The following GAB2 variants were observed in gnomAD, a reference collection of about 807,000 sequenced individuals.
The protein encoded by GAB2 is GRB2-associated-binding protein 2.
Under a neutral mutation model 65.5 loss-of-function variants are expected in GAB2, and 26 were observed. That is an observed-to-expected ratio of 0.40 (90% CI 0.29 to 0.55). The LOEUF (loss-of-function observed/expected upper bound fraction) is 0.55, where lower values mean the gene tolerates loss of function less well. Ranked by LOEUF, GAB2 falls within the 20% of genes least tolerant of loss-of-function variation. GAB2 has a pLI of 0.53. For synonymous variants in GAB2, 321 were observed against 329.6 expected (o/e 0.97, Z 0.28); for missense variants, 884 against 875.8 (o/e 1.01, Z -0.12).
intron 6 of GAB2, among the ~76,000 whole-genome samples, chr11:78,222,763 AG>A (rs1365105089): frequency 1.3e-5 from 2 of 151,966 alleles, no homozygotes; most frequent in African/African-American, 2.4e-5. Flanking sequence ...TTATATTTTT[AG>A]TAGAGACGGG....
At chr11:78,367,821 CTTTTTTTTTTTT>C (rs569887849) in intron 1 of GAB2, among the ~76,000 whole-genome samples, 4 of 116,122 alleles carry the variant, frequency 3.4e-5, no homozygotes, top group South Asian at 2.9e-4. Context: ...TTTTCTTTTT[CTTTTTTTTTTTT>C]TTTTTTTTTG....
At chr11:78,227,083 G>T in intron 3 of GAB2, 32 bp from the exon 4 acceptor site, 1 of 1,424,090 alleles carries the variant, frequency 7.0e-7, no homozygotes, top group East Asian at 2.3e-5. Context: ...GGGCAGGAGG[G>T]TGAGACAATT....
intron 1 of GAB2, among the ~76,000 whole-genome samples, chr11:78,415,888 A>G (rs569141065): frequency 1.3e-5 from 2 of 151,902 alleles, no homozygotes; most frequent in Non-Finnish European, 2.9e-5. Context: ...TTCAAAAACA[A>G]CTTTCAAGGT....
At chr11:78,336,848 A>G (rs963392566) in intron 1 of GAB2, among the ~76,000 whole-genome samples, 1 of 152,254 alleles carries the variant, frequency 6.6e-6, no homozygotes, top group African/African-American at 2.4e-5. Context: ...CTGTGCAATT[A>G]GAAACAAAAT....
chr11:78,259,266 C>T (rs1865673957), intron 2 of GAB2, among the ~76,000 whole-genome samples: 2 of 152,204 alleles, frequency 1.3e-5, no homozygotes, highest in Admixed American at 6.5e-5. Flanking sequence ...TATAGGTAAA[C>T]AGTAATTATT....
At chr11:78,285,703 T>C (rs183462157) in intron 1 of GAB2, among the ~76,000 whole-genome samples, 129 of 152,220 alleles carry the variant, frequency 8.5e-4, no homozygotes, top group African/African-American at 2.4e-3. Flanking sequence ...CTAACCTTAA[T>C]TGATCCACCC....
Position 78,223,511 on chromosome 11 carries a change from C to T in GAB2, c.1468G>A (p.Gly490Ser). 1 of 1,612,158 alleles carries T rather than the reference C, an allele frequency of 6.2e-7. No homozygotes were observed. The highest frequency in any genetic ancestry group is 1.1e-5 in the South Asian group (1 of 90,772). Residue 490 changes from glycine to serine, a missense_variant, in exon 6 of 10, where the codon GGC becomes AGC. Coordinates refer to ENST00000361507, the MANE Select transcript of GAB2 (RefSeq NM_080491.3). ...SPGAHHFDSL[G>S]YPSTTLPVHR... ...ACAGGAAGGGTTGTTGATGGGTAGC[C>T]AAGTGAGTCAAAGTGATGGGCCCCT... is the stretch of plus-strand genomic sequence containing the variant.
chr11:78,383,953 TGGTG>T (rs1362963795), intron 1 of GAB2, among the ~76,000 whole-genome samples: 6 of 152,100 alleles, frequency 3.9e-5, no homozygotes, highest in Non-Finnish European at 8.8e-5. Context: ...TGCTTTTCAG[TGGTG>T]CAGGAGCAGA....
At chr11:78,414,508 A>G (rs2135102609) in intron 1 of GAB2, among the ~76,000 whole-genome samples, 1 of 152,234 alleles carries the variant, frequency 6.6e-6, no homozygotes, top group African/African-American at 2.4e-5. Flanking sequence ...TATTAATAAA[A>G]TGTTTTTCCT....
intron 1 of GAB2, among the ~76,000 whole-genome samples, chr11:78,327,248 C>A (rs1855839373): frequency 6.6e-6 from 1 of 152,140 alleles, no homozygotes; most frequent in African/African-American, 2.4e-5. Flanking sequence ...GAATGATAAA[C>A]AATCATGTTT....
chr11:78,328,827 G>A (rs899333074), intron 1 of GAB2, among the ~76,000 whole-genome samples: 1 of 152,068 alleles, frequency 6.6e-6, no homozygotes, highest in Non-Finnish European at 1.5e-5. Context: ...TTTCTGGAAC[G>A]ATGGTAATGT....
At position 78,280,884 on chromosome 11, in the gene GAB2, C is replaced by T. The variant is rs1756969218; in HGVS notation, c.93G>A (p.Trp31Ter). ...TCATCCGGCCACTCCGCAGGATAAA[C>T]CAGCGTTTCTTCCAGGCCTAAATCA... is the stretch of plus-strand genomic sequence containing the variant. ...KLRRYAWKKRWFILRSGRMSG... is the reference protein window; with the variant it reads ...KLRRYAWKKR Residue 31 changes from tryptophan (W) to a stop codon, truncating the protein, a stop_gained, in exon 2 of 10, where the codon TGG becomes TGA. Coordinates refer to ENST00000361507, the MANE Select transcript of GAB2 (RefSeq NM_080491.3). LOFTEE classifies it high-confidence loss of function. The T allele has an allele frequency of 6.2e-7, 1 of 1,613,834 alleles. No individual in the cohort carries two copies. Among genetic ancestry groups the T allele is most frequent in the Non-Finnish European group, 8.5e-7 (1 of 1,179,720 alleles).
chr11:78,372,043 A>T (rs1856577687), intron 1 of GAB2, among the ~76,000 whole-genome samples: 1 of 152,218 alleles, frequency 6.6e-6, no homozygotes, highest in African/African-American at 2.4e-5. Flanking sequence ...AATCCATGTC[A>T]CAAGGCACTC....
At chr11:78,265,225 A>ATATATATATATATAT (rs1565132884) in intron 2 of GAB2, among the ~76,000 whole-genome samples, 1 of 81,924 alleles carries the variant, frequency 1.2e-5, no homozygotes, top group Non-Finnish European at 3.8e-5. Context: ...TATATATATA[A>ATATATATATATATAT]AAGCACTCTA....
intron 1 of GAB2, among the ~76,000 whole-genome samples, chr11:78,288,474 A>G (rs1032905108): frequency 6.6e-6 from 1 of 152,180 alleles, no homozygotes; most frequent in African/African-American, 2.4e-5. Flanking sequence ...CTCAGGACGA[A>G]TAAGTGAGTT....
intron 1 of GAB2, among the ~76,000 whole-genome samples, chr11:78,284,131 CA>C (rs1866408899): frequency 6.6e-6 from 1 of 152,128 alleles, no homozygotes; most frequent in Admixed American, 6.5e-5. Context: ...GTTGTCAGAC[CA>C]AAAATCTATG....
chr11:78,391,866 A>T (rs994259675), intron 1 of GAB2, among the ~76,000 whole-genome samples: 24 of 152,226 alleles, frequency 1.6e-4, no homozygotes, highest in African/African-American at 5.5e-4. Context: ...GGCATGCTTT[A>T]ATCATGACCA....
chr11:78,411,800 G>A (rs1857132672), intron 1 of GAB2, among the ~76,000 whole-genome samples: 1 of 152,002 alleles, frequency 6.6e-6, no homozygotes, highest in African/African-American at 2.4e-5. Flanking sequence ...GGGAGGCCAA[G>A]GTGGGCGGAT....
intron 1 of GAB2, among the ~76,000 whole-genome samples, chr11:78,332,225 T>TA (rs1299943252): frequency 6.6e-6 from 1 of 152,086 alleles, no homozygotes; most frequent in African/African-American, 2.4e-5. Flanking sequence ...ATGGGAAACT[T>TA]ACATGAAAAG....
Sources: allele counts gnomAD v4.1 joint callset (sites outside exome capture counted in the v4.1 genomes callset), GRCh38; gene constraint gnomAD v4.1.1; transcripts MANE v1.5; gene names NCBI Gene and HGNC (gene_info 2026-07-23, HGNC 2026-07-21).